The following ZNF84 variants were observed in gnomAD, a reference collection of about 807,000 sequenced individuals.
ZNF84 encodes the protein zinc finger protein 84.
ZNF84 carries 12 observed loss-of-function variants against 14.8 expected under a neutral mutation model. That is an observed-to-expected ratio of 0.81 (90% CI 0.52 to 1.31). The LOEUF is 1.31. Ranked by LOEUF, ZNF84 falls within the 50% of genes most tolerant of loss-of-function variation. The probability of loss-of-function intolerance (pLI) is 0.00; values close to 1 mark genes in which losing one functional copy is unlikely to be tolerated. For missense variants in ZNF84, 859 were observed against 878.6 expected (o/e 0.98, Z 0.28); for synonymous variants, 347 against 291.1 (o/e 1.19, Z -1.96).
At position 133,053,015 on chromosome 12, in the gene ZNF84, A is replaced by G. The variant is rs1022744222; in HGVS notation, c.239-3939A>G. On this transcript the variant is annotated intron_variant, in intron 4 of 4. Transcript: ENST00000539354. ...GGGAACTAGACCATACTCAACTTGT[A>G]GGCAATACAAAGGACTTATAATTGA... 3.2e-3 allele frequency among the ~76,000 whole-genome samples: 494 copies of G among 152,374 alleles called. 2 individuals are homozygous for G. The highest frequency in any genetic ancestry group is 0.011 in the African/African-American group (469 of 41,590).
At chr12:133,048,991 T>G (rs1225068967) in intron 4 of ZNF84, 143 bp downstream of exon 4, 6 of 618,640 alleles carry the variant, frequency 9.7e-6, no homozygotes, top group Non-Finnish European at 1.7e-5. Flanking sequence ...CATTGATGGG[T>G]TGGCTGGTCA....
intron 3 of ZNF84, 111 bp from the exon 4 acceptor site, chr12:133,048,642 G>GT: frequency 1.4e-6 from 1 of 696,040 alleles, no homozygotes; most frequent in Non-Finnish European, 2.5e-6. Flanking sequence ...TACTTACTCT[G>GT]TTGGGGTACA....
intron 4 of ZNF84, among the ~76,000 whole-genome samples, chr12:133,051,953 ACTAT>A (rs1954076815): frequency 6.6e-6 from 1 of 152,174 alleles, no homozygotes; most frequent in South Asian, 2.1e-4. Flanking sequence ...TGTGCTAGGT[ACTAT>A]GGGTATATTA....
intron 4 of ZNF84, among the ~76,000 whole-genome samples, chr12:133,053,390 C>T (rs1002502718): frequency 5.1e-4 from 77 of 152,072 alleles, no homozygotes; most frequent in Non-Finnish European, 9.3e-4. Context: ...TTTCTGCACC[C>T]GTATTCTCTG....
In ZNF84 at chr12:133,059,145, C is replaced by T. The variant is rs2137429180; in HGVS notation, c.*213C>T. On this transcript the variant is annotated 3_prime_UTR_variant, in exon 5 of 5. Coordinates refer to ENST00000539354, the MANE Select transcript of ZNF84 (RefSeq NM_001289971.2). ...TCTCAAAAACTTTTAAAACCATAGACAAGCCTTATAGAGTAGAACATTCAC... is the reference window on the plus strand; with the variant it reads ...TCTCAAAAACTTTTAAAACCATAGATAAGCCTTATAGAGTAGAACATTCAC... 1 of 528,062 alleles carries T rather than the reference C, an allele frequency of 1.9e-6. No individual in the cohort carries two copies. Among genetic ancestry groups the T allele is most frequent in the African/African-American group, 1.9e-5 (1 of 52,130 alleles). The allele number at this position is 528,062 out of a possible 1,614,324, so 32.7% of individuals were successfully genotyped here.
Position 133,057,177 on chromosome 12 carries a change from A to G in ZNF84, c.462A>G (p.Glu154=). The change falls in exon 5 of 5, where the codon GAA becomes GAG. Residue 154 remains glutamate, a synonymous_variant. Transcript: ENST00000539354. ...CAAAAGGAGATTATGGAAAAGCAGA[A>G]TCAGATGACTTTAATGTGTTTGATA... The part of the protein sequence containing the change: ...LIPKGDYGKA[E]SDDFNVFDNF... 3 of 1,611,554 alleles carry G rather than the reference A, an allele frequency of 1.9e-6. No individual in the cohort carries two copies. Among genetic ancestry groups the G allele is most frequent in the Non-Finnish European group, 2.5e-6 (3 of 1,179,410 alleles).
In ZNF84 at chr12:133,041,395, T is replaced by TGGGGCA; in HGVS notation, c.-71_-66dup. Reference sequence around the variant, plus strand: ...TAGCTGAGACCTCACTCCACAGTTTTGGGGCAGAAGCAGAAGAGACGCACA... The same window carrying TGGGGCA: ...TAGCTGAGACCTCACTCCACAGTTTTGGGGCAGGGGCAGAAGCAGAAGAGACGCACA... On this transcript the variant is annotated 5_prime_UTR_variant, in exon 2 of 5. Coordinates refer to ENST00000539354, the MANE Select transcript of ZNF84 (RefSeq NM_001289971.2). 6.6e-7 allele frequency: 1 copy of TGGGGCA among 1,522,584 alleles called. No homozygotes were observed. Among genetic ancestry groups the TGGGGCA allele is most frequent in the Non-Finnish European group, 9.1e-7 (1 of 1,098,092 alleles). 94.3% of individuals were successfully genotyped at this position (1,522,584 alleles called of 1,614,324 possible). A position where few individuals can be genotyped will look rare whatever the true frequency, so the allele number is the denominator to read the frequency against.
chr12:133,053,066 C>A (rs1371929536), intron 4 of ZNF84, among the ~76,000 whole-genome samples: 3 of 152,086 alleles, frequency 2.0e-5, no homozygotes, highest in African/African-American at 7.2e-5. Flanking sequence ...AAAGTAAAAT[C>A]TGATTTAGAA....
chr12:133,050,854 G>C (rs902275100), intron 4 of ZNF84, among the ~76,000 whole-genome samples: 3 of 152,062 alleles, frequency 2.0e-5, no homozygotes, highest in Non-Finnish European at 4.4e-5. Flanking sequence ...ATAAATGCAG[G>C]GGCTTATAAT....
At position 133,046,901 on chromosome 12, in the gene ZNF84, ATAT is replaced by A. The variant is rs1257822778; in HGVS notation, c.16-1052_16-1050del. On this transcript the variant is annotated intron_variant, in intron 2 of 4. Transcript: ENST00000539354. ...ATATTTATATATTATTTTTAATATA[ATAT>A]TTATATTATATATTATATTATTTTT... Among the ~76,000 whole-genome samples, 260 of 144,098 alleles carry A rather than the reference ATAT, an allele frequency of 1.8e-3. 5 individuals carry two copies. The highest frequency in any genetic ancestry group is 0.018 in the Middle Eastern group (5 of 278). The allele number at this position is 144,098 out of a possible 152,430, so 94.5% of individuals were successfully genotyped here.
intron 4 of ZNF84, among the ~76,000 whole-genome samples, chr12:133,056,051 A>G (rs1221534132): frequency 1.3e-5 from 2 of 152,228 alleles, no homozygotes; most frequent in Admixed American, 1.3e-4. Context: ...GAAGATGCAT[A>G]TGGCAAGTTT....
Position 133,057,052 on chromosome 12 carries a change from A to T in ZNF84, c.337A>T (p.Asn113Tyr). The T allele has an allele frequency of 6.2e-7, 1 of 1,613,178 alleles. No homozygotes were observed. The highest frequency in any genetic ancestry group is 8.5e-7 in the Non-Finnish European group (1 of 1,179,792). ...RGHECDAFGK[N>Y]FNLNMNFVPL... is the part of the protein sequence containing the mutation. ...TCATGAATGTGATGCATTTGGAAAAAATTTCAATCTGAACATGAACTTTGT... is the reference window on the plus strand; with the variant it reads ...TCATGAATGTGATGCATTTGGAAAATATTTCAATCTGAACATGAACTTTGT... The change falls in exon 5 of 5, where the codon AAT (asparagine) becomes TAT (tyrosine). Residue 113 changes from asparagine to tyrosine, a missense_variant. Asn to Tyr is a moderately radical substitution (Grantham distance 143). Coordinates refer to ENST00000539354, the MANE Select transcript of ZNF84 (RefSeq NM_001289971.2).
In ZNF84 at chr12:133,058,875, C is replaced by G; in HGVS notation, c.2160C>G (p.Phe720Leu). The change falls in exon 5 of 5, where the codon TTC becomes TTG. Residue 720 changes from phenylalanine (F) to leucine (L), a missense_variant. Coordinates refer to ENST00000539354, the MANE Select transcript of ZNF84 (RefSeq NM_001289971.2). ...PYRCIECGKA[F>L]SQKSQLINHQ... is the part of the protein sequence containing the mutation. The stretch of plus-strand genomic sequence containing the variant: ...GATGCATTGAATGTGGGAAAGCTTT[C>G]TCACAGAAGTCACAGCTCATCAATC... 1 of 1,613,258 alleles carries G rather than the reference C, an allele frequency of 6.2e-7. No individual in the cohort carries two copies. The highest frequency in any genetic ancestry group is 8.5e-7 in the Non-Finnish European group (1 of 1,179,656).
At chr12:133,044,225 G>A (rs2137344136) in intron 2 of ZNF84, among the ~76,000 whole-genome samples, 1 of 152,044 alleles carries the variant, frequency 6.6e-6, no homozygotes, top group Non-Finnish European at 1.5e-5. Context: ...GCTCACTGCA[G>A]CCTTGAACTC....
At chr12:133,044,386 C>G (rs1953942657) in intron 2 of ZNF84, among the ~76,000 whole-genome samples, 2 of 150,824 alleles carry the variant, frequency 1.3e-5, no homozygotes, top group African/African-American at 4.9e-5. Flanking sequence ...AACTCCTGGC[C>G]TCAAACAATT....
chr12:133,058,464 A>G lies in ZNF84; in HGVS notation c.1749A>G (p.Lys583=), dbSNP rs1954200798. The G allele has an allele frequency of 1.2e-6, 2 of 1,613,886 alleles. No individual in the cohort carries two copies. The highest frequency in any genetic ancestry group is 1.7e-5 in the Admixed American group (1 of 59,990). ...ACTGTGAAAAAGCTTTCTCCCAGAAATCACAGCTAAATACCCATCAGAGAA... is the reference window on the plus strand; with the variant it reads ...ACTGTGAAAAAGCTTTCTCCCAGAAGTCACAGCTAAATACCCATCAGAGAA... ...CRDCEKAFSQ[K]SQLNTHQRIH... The change falls in exon 5 of 5, where the codon AAA becomes AAG. Residue 583 remains lysine (K), a synonymous_variant. Coordinates refer to ENST00000539354, the MANE Select transcript of ZNF84 (RefSeq NM_001289971.2).
chr12:133,058,130 C>G lies in ZNF84; in HGVS notation c.1415C>G (p.Ser472Ter), dbSNP rs1954194915. ...TGTGGGAAAGCCTTCAGCAGGAAAT[C>G]ACAGCTCGTTAGACATCAGAGAACT... is the stretch of plus-strand genomic sequence containing the variant. ...SKCGKAFSRK[S>*]QLVRHQRTHT... The change falls in exon 5 of 5, where the codon TCA becomes TGA. Residue 472 changes from serine (S) to a stop codon, truncating the protein, a stop_gained. Coordinates refer to ENST00000539354, the MANE Select transcript of ZNF84 (RefSeq NM_001289971.2). LOFTEE classifies it low-confidence loss of function (END_TRUNC). 1 of 1,614,020 alleles carries G rather than the reference C, an allele frequency of 6.2e-7. No individual in the cohort carries two copies. Among genetic ancestry groups the G allele is most frequent in the Admixed American group, 1.7e-5 (1 of 60,024 alleles).
Position 133,058,754 on chromosome 12 carries a change from A to T in ZNF84, c.2039A>T (p.Glu680Val). The T allele has an allele frequency of 6.2e-7, 1 of 1,614,088 alleles. No homozygotes were observed. Among genetic ancestry groups the T allele is most frequent in the South Asian group, 1.1e-5 (1 of 91,076 alleles). Residue 680 changes from glutamate (E) to valine (V), a missense_variant, in exon 5 of 5, where the codon GAG (glutamate) becomes GTG (valine). Physicochemically the swap from Glu to Val is moderately radical, Grantham distance 121. Transcript: ENST00000539354. ...LIPHQRTHTG[E>V]KPYGCSECRK... ...CCACATCAAAGGACACATACGGGTG[A>T]GAAACCCTATGGATGCAGTGAATGT...
intron 2 of ZNF84, among the ~76,000 whole-genome samples, chr12:133,046,952 T>C (rs1477653620): frequency 1.4e-5 from 2 of 138,036 alleles, no homozygotes; most frequent in African/African-American, 5.1e-5. Context: ...ATATTATATA[T>C]TATATTATGT....
Sources: gnomAD v4.1 joint callset for allele counts (sites outside exome capture counted in the v4.1 genomes callset) on GRCh38, gnomAD v4.1.1 for gene constraint, MANE v1.5 for transcripts, NCBI Gene and HGNC (gene_info 2026-07-23, HGNC 2026-07-21) for gene names.